Variants in PRIMA1 observed in about 807,000 individuals in gnomAD.
The protein encoded by PRIMA1 is proline-rich membrane anchor 1.
In PRIMA1, 7 loss-of-function variants were observed where a neutral mutation model predicts 17.5. The ratio of observed to expected loss-of-function variants is 0.40; its 90% CI spans 0.23 to 0.75. The LOEUF (loss-of-function observed/expected upper bound fraction) is 0.75. PRIMA1 is among the 30% of genes least tolerant of loss of function. PRIMA1 has a pLI of 0.37. For missense variants in PRIMA1, 200 were observed against 201.8 expected (o/e 0.99, Z 0.05); for synonymous variants, 97 against 77.9 (o/e 1.25, Z -1.29).
chr14:93,753,523 A>G (rs996641100), intron 3 of PRIMA1, among the ~76,000 whole-genome samples: 2 of 152,078 alleles, frequency 1.3e-5, no homozygotes, highest in Admixed American at 6.5e-5. Context: ...GCTGGCAGGG[A>G]TGACACAGAA....
chr14:93,738,703 C>T (rs924925537), intron 3 of PRIMA1, among the ~76,000 whole-genome samples: 2 of 152,156 alleles, frequency 1.3e-5, no homozygotes, highest in East Asian at 3.8e-4. Context: ...ATGCACCCCC[C>T]ATCTTAAAAG....
chr14:93,751,920 G>T (rs572233257), intron 3 of PRIMA1, among the ~76,000 whole-genome samples: 1 of 152,148 alleles, frequency 6.6e-6, no homozygotes, highest in South Asian at 2.1e-4. Flanking sequence ...GATACATCAA[G>T]AATTCAGTTC....
chr14:93,739,501 C>T (rs756228624), intron 3 of PRIMA1, among the ~76,000 whole-genome samples: 9 of 152,252 alleles, frequency 5.9e-5, no homozygotes, highest in African/African-American at 1.2e-4. Flanking sequence ...AGGAGTGGAA[C>T]GGCTGGGTTG....
At chr14:93,764,322 C>T (rs1363176687) in intron 3 of PRIMA1, among the ~76,000 whole-genome samples, 2 of 149,718 alleles carry the variant, frequency 1.3e-5, no homozygotes, top group Non-Finnish European at 3.0e-5. Flanking sequence ...TCTCCCATCC[C>T]AGCCCAGCCA....
intron 3 of PRIMA1, among the ~76,000 whole-genome samples, chr14:93,751,653 T>C (rs989871030): frequency 1.3e-5 from 2 of 152,160 alleles, no homozygotes; most frequent in African/African-American, 4.8e-5. Flanking sequence ...TTTAAAAGGG[T>C]CCTGTAGGGT....
intron 4 of PRIMA1, among the ~76,000 whole-genome samples, chr14:93,736,687 A>G (rs1038115605): frequency 6.6e-6 from 1 of 152,248 alleles, no homozygotes; most frequent in Non-Finnish European, 1.5e-5. Flanking sequence ...TTTTACCTTG[A>G]TATTTTACTT....
intron 3 of PRIMA1, among the ~76,000 whole-genome samples, chr14:93,742,750 G>A (rs2076192127): frequency 6.6e-6 from 1 of 152,224 alleles, no homozygotes; most frequent in Non-Finnish European, 1.5e-5. Flanking sequence ...AGATGATGGA[G>A]GCAGCCTTTT....
intron 4 of PRIMA1, among the ~76,000 whole-genome samples, chr14:93,731,411 GA>G (rs575690324): frequency 5.8e-4 from 88 of 152,208 alleles, no homozygotes; most frequent in Non-Finnish European, 1.1e-3. Flanking sequence ...TGGGGGAAAA[GA>G]CAGGGGGCTG....
At chr14:93,762,737 ACACGGG>A (rs1252860451) in intron 3 of PRIMA1, among the ~76,000 whole-genome samples, 7 of 152,012 alleles carry the variant, frequency 4.6e-5, no homozygotes, top group African/African-American at 1.4e-4. Flanking sequence ...GCCCTACCTT[ACACGGG>A]CTCCCCACTT....
chr14:93,773,850 T>C (rs532501648), intron 3 of PRIMA1, among the ~76,000 whole-genome samples: 18 of 152,244 alleles, frequency 1.2e-4, no homozygotes, highest in Admixed American at 3.3e-4. Flanking sequence ...TCCCAGCACT[T>C]TGGGAGGCTG....
chr14:93,743,862 C>A (rs993700788), intron 3 of PRIMA1, among the ~76,000 whole-genome samples: 6 of 152,222 alleles, frequency 3.9e-5, no homozygotes, highest in Admixed American at 2.0e-4. Context: ...TCCAGAATGT[C>A]ACGGAAAAGT....
intron 3 of PRIMA1, among the ~76,000 whole-genome samples, chr14:93,764,431 C>T (rs1389558198): frequency 6.6e-6 from 1 of 151,880 alleles, no homozygotes; most frequent in Non-Finnish European, 1.5e-5. Context: ...TGTTCTGCCC[C>T]CCCGCCCCCA....
At position 93,718,652 on chromosome 14, in the gene PRIMA1, TAG is replaced by T. The variant is rs2076018745; in HGVS notation, c.*2790_*2791del. Reference sequence around the variant, plus strand: ...TTGTATTTATATATATATATATATGTAGAGATCTCTTTAAATATATATAGCTA... The same window carrying T: ...TTGTATTTATATATATATATATATGTAGATCTCTTTAAATATATATAGCTA... On this transcript the variant is annotated 3_prime_UTR_variant, in exon 5 of 5. Coordinates refer to ENST00000393140, the MANE Select transcript of PRIMA1 (RefSeq NM_178013.4). The T allele has an allele frequency of 1.3e-5, 2 of 148,764 alleles. No homozygotes were observed. The highest frequency in any genetic ancestry group is 1.5e-5 in the Non-Finnish European group (1 of 67,108). The allele number at this position is 148,764 out of a possible 1,614,324, so 9.2% of individuals were successfully genotyped here. A position where few individuals can be genotyped will look rare whatever the true frequency, so the allele number is the denominator to read the frequency against.
chr14:93,721,579 A>C, intron 4 of PRIMA1, 33 bp from the exon 5 acceptor site: 5 of 1,313,208 alleles, frequency 3.8e-6, no homozygotes, highest in Non-Finnish European at 5.5e-6. Context: ...GGAAAGGCAA[A>C]GGAGGGGGAG....
At chr14:93,778,167 C>T (rs553149611) in intron 3 of PRIMA1, among the ~76,000 whole-genome samples, 5 of 152,352 alleles carry the variant, frequency 3.3e-5, no homozygotes, top group Admixed American at 3.3e-4. Flanking sequence ...ACCCCAAAAA[C>T]TCTGGCTCAG....
chr14:93,742,845 G>T (rs1193789758), intron 3 of PRIMA1, among the ~76,000 whole-genome samples: 1 of 152,186 alleles, frequency 6.6e-6, no homozygotes, highest in Non-Finnish European at 1.5e-5. Context: ...TTCAGAAGTG[G>T]AGAAACAGGC....
At chr14:93,737,820 C>A (rs1428106814) in intron 3 of PRIMA1, among the ~76,000 whole-genome samples, 2 of 152,196 alleles carry the variant, frequency 1.3e-5, no homozygotes, top group Non-Finnish European at 2.9e-5. Flanking sequence ...CTGAGCGCCA[C>A]GCCCCAGGCC....
chr14:93,785,188 C>CAAAAAAAAAA lies in PRIMA1; in HGVS notation c.93+2428_93+2437dup, dbSNP rs386382197. ...GCCAGCCTGTCATCCTCTTCTCTTTCAAAAAAAAAAAAAAAAAAAGAATCA... is the reference window on the plus strand; with the variant it reads ...GCCAGCCTGTCATCCTCTTCTCTTTCAAAAAAAAAAAAAAAAAAAAAAAAAAAAAGAATCA... On this transcript the variant is annotated intron_variant, in intron 2 of 4. Transcript: ENST00000393140. Among the ~76,000 whole-genome samples the CAAAAAAAAAA allele has an allele frequency of 1.8e-5, 2 of 110,056 alleles. 1 individual carries two copies. Among genetic ancestry groups the CAAAAAAAAAA allele is most frequent in the African/African-American group, 6.7e-5 (2 of 29,880 alleles). The allele number at this position is 110,056 out of a possible 152,430, so 72.2% of individuals were successfully genotyped here.
chr14:93,741,671 G>A lies in PRIMA1; in HGVS notation c.230-4301C>T, dbSNP rs552089284. Among the ~76,000 whole-genome samples, 22 of 152,296 alleles carry A rather than the reference G, an allele frequency of 1.4e-4. No homozygotes were observed. The East Asian group carries it at 1.5e-3, about 11-fold the overall frequency. ...CAGGAGTCTCCGGGGGAAGAGGCAC[G>A]CATGAATTGCTAATACAGAAGGTGA... On this transcript the variant is annotated intron_variant, in intron 3 of 4. Coordinates refer to ENST00000393140, the MANE Select transcript of PRIMA1 (RefSeq NM_178013.4).
Sources: gnomAD v4.1 joint callset for allele counts (sites outside exome capture counted in the v4.1 genomes callset) on GRCh38, gnomAD v4.1.1 for gene constraint, MANE v1.5 for transcripts, NCBI Gene and HGNC (gene_info 2026-07-23, HGNC 2026-07-21) for gene names.